CD300LG: variants seen among roughly 807,000 people sequenced by gnomAD.
CD300LG encodes CD300 molecule like family member g.
Under a neutral mutation model 31.5 loss-of-function variants are expected in CD300LG, and 29 were observed. That is an observed-to-expected ratio of 0.92 (90% confidence interval 0.68 to 1.25). The LOEUF is 1.25. CD300LG is among the 50% of genes most tolerant of loss of function. The pLI, the probability that CD300LG is intolerant of heterozygous loss-of-function variation, is 0.00. For synonymous variants in CD300LG, 175 were observed against 177.2 expected (o/e 0.99, Z 0.10); for missense variants, 396 against 417.6 (o/e 0.95, Z 0.45).
chr17:43,852,350 G>A (rs2143330479), intron 2 of CD300LG, among the ~76,000 whole-genome samples: 1 of 152,212 alleles, frequency 6.6e-6, no homozygotes, highest in East Asian at 1.9e-4. Flanking sequence ...AAGTAGCTGG[G>A]ATTACAGGCA....
chr17:43,848,540 C>G lies in CD300LG; in HGVS notation c.44-18C>G. ...TGGAGCCTGGTTTTTCCAACCTCCA[C>G]TCCTGCTCTGATTTTAGGTTATGAA... On this transcript the variant is annotated intron_variant, in intron 1 of 6. Coordinates refer to ENST00000317310, the MANE Select transcript of CD300LG (RefSeq NM_145273.4). 1 of 1,603,802 alleles carries G rather than the reference C, an allele frequency of 6.2e-7. No individual in the cohort carries two copies. The highest frequency in any genetic ancestry group is 8.5e-7 in the Non-Finnish European group (1 of 1,172,780).
At chr17:43,850,922 G>A (rs2046330311) in intron 2 of CD300LG, among the ~76,000 whole-genome samples, 1 of 152,044 alleles carries the variant, frequency 6.6e-6, no homozygotes, top group South Asian at 2.1e-4. Context: ...GGATCACGAG[G>A]TCAGGAGTTC....
intron 5 of CD300LG, among the ~76,000 whole-genome samples, chr17:43,856,336 C>A (rs199832817): frequency 1.3e-5 from 2 of 152,162 alleles, no homozygotes; most frequent in East Asian, 3.8e-4. Flanking sequence ...AAGGATTAAC[C>A]AAAATCTCAG....
intron 2 of CD300LG, 93 bp from the exon 3 acceptor site, chr17:43,852,819 G>A (rs1219502650): frequency 2.0e-6 from 2 of 1,001,278 alleles, no homozygotes; most frequent in Non-Finnish European, 3.0e-6. Flanking sequence ...CTGTGCTGAG[G>A]TGGGGGGTAG....
At chr17:43,861,238 C>G (rs915722469) in intron 6 of CD300LG, 18 of 985,300 alleles carry the variant, frequency 1.8e-5, no homozygotes, top group Middle Eastern at 5.2e-4. Flanking sequence ...ACACAGAGAT[C>G]CAGTATCTAA....
chr17:43,850,676 C>T (rs2046322776), intron 2 of CD300LG, among the ~76,000 whole-genome samples: 2 of 152,062 alleles, frequency 1.3e-5, no homozygotes, highest in East Asian at 3.9e-4. Context: ...TGTGGTTTCG[C>T]CATATTGGCC....
chr17:43,848,520 C>A (rs780511203), intron 1 of CD300LG, 38 bp from the exon 2 acceptor site: 1 of 1,535,878 alleles, frequency 6.5e-7, no homozygotes, highest in South Asian at 1.2e-5. Flanking sequence ...GTACATGGAG[C>A]CTGGTTTTTC....
chr17:43,851,773 TC>T (rs2046366019), intron 2 of CD300LG, among the ~76,000 whole-genome samples: 1 of 151,534 alleles, frequency 6.6e-6, no homozygotes, highest in East Asian at 1.9e-4. Flanking sequence ...GCCAGGATGG[TC>T]TCGATCTCCT....
intron 2 of CD300LG, among the ~76,000 whole-genome samples, chr17:43,852,265 G>A (rs1294885734): frequency 1.3e-5 from 2 of 151,844 alleles, no homozygotes; most frequent in Middle Eastern, 3.2e-3. Context: ...GAGTGCAGTG[G>A]CGCAATCTTG....
intron 2 of CD300LG, among the ~76,000 whole-genome samples, chr17:43,850,865 G>A (rs1039996746): frequency 6.6e-6 from 1 of 152,112 alleles, no homozygotes; most frequent in Non-Finnish European, 1.5e-5. Flanking sequence ...GTCCCGGCAT[G>A]GTGGCTCACG....
rs778447487 is a variant in CD300LG, at chr17:43,848,757, C to T, written c.243C>T (p.Ile81=). The change falls in exon 2 of 7, where the codon ATC becomes ATT. Residue 81 remains isoleucine (I), a synonymous_variant. Coordinates refer to ENST00000317310, the MANE Select transcript of CD300LG (RefSeq NM_145273.4). ...AGACAATGAAGGGCAGGGTGTCCAT[C>T]CGTGACAGCCGCCAGGAGCTCTCGC... The part of the protein sequence containing the change: ...GQETMKGRVS[I]RDSRQELSLI... 5.0e-6 allele frequency: 8 copies of T among 1,614,150 alleles called. No homozygotes were observed. The highest frequency in any genetic ancestry group is 5.9e-6 in the Non-Finnish European group (7 of 1,180,036).
chr17:43,851,688 G>A (rs537879869), intron 2 of CD300LG, among the ~76,000 whole-genome samples: 55 of 134,188 alleles, frequency 4.1e-4, no homozygotes, highest in Admixed American at 8.6e-4. Flanking sequence ...TCGCTCTGTC[G>A]CCCAGGCTGG....
chr17:43,860,490 TC>T (rs2046629465), intron 6 of CD300LG, among the ~76,000 whole-genome samples: 1 of 152,222 alleles, frequency 6.6e-6, no homozygotes, highest in African/African-American at 2.4e-5. Flanking sequence ...GGCTCCAGCC[TC>T]TGCTCCGCCC....
intron 6 of CD300LG, chr17:43,858,239 G>GCT (rs2046580972): frequency 1.9e-6 from 2 of 1,077,000 alleles, no homozygotes; most frequent in South Asian, 6.3e-5. Flanking sequence ...GTCTCAGGAA[G>GCT]CTCAACAGGG....
intron 3 of CD300LG, among the ~76,000 whole-genome samples, chr17:43,853,528 G>A (rs896230584): frequency 2.0e-5 from 3 of 152,130 alleles, no homozygotes; most frequent in Non-Finnish European, 4.4e-5. Flanking sequence ...ATGGAAGCGG[G>A]GAAGGGGAGT....
intron 5 of CD300LG, chr17:43,855,621 G>C (rs1456217405): frequency 8.6e-6 from 2 of 231,654 alleles, no homozygotes; most frequent in Non-Finnish European, 1.7e-5. Flanking sequence ...CTCCTTGTGT[G>C]GGAACCAACT....
At position 43,848,818 on chromosome 17, in the gene CD300LG, G is replaced by A. The variant is rs765674061; in HGVS notation, c.304G>A (p.Ala102Thr). 10 of 1,614,036 alleles carry A rather than the reference G, an allele frequency of 6.2e-6. No homozygotes were observed. In the East Asian group the frequency reaches 8.9e-5, roughly 14 times the overall value. The change falls in exon 2 of 7, where the codon GCT becomes ACT. Residue 102 changes from alanine to threonine, a missense_variant. Physicochemically the swap from Ala to Thr is moderately conservative, Grantham distance 58 (BLOSUM62 0). Coordinates refer to ENST00000317310, the MANE Select transcript of CD300LG (RefSeq NM_145273.4). The part of the protein sequence containing the change: ...VTLWNLTLQD[A>T]GEYWCGVEKR... ...CCTGTGGAACCTCACCCTGCAAGAC[G>A]CTGGGGAGTACTGGTGTGGGGTCGA...
chr17:43,861,908 G>C lies in CD300LG; in HGVS notation c.996G>C (p.Ala332=), dbSNP rs373493820. ...EELGFSKFVS[A] Reference sequence around the variant, plus strand: ...TGGGCTTCTCGAAGTTTGTCTCAGCGTAGGGCAGGAGGCCCTCCTGGCCAG... The same window carrying C: ...TGGGCTTCTCGAAGTTTGTCTCAGCCTAGGGCAGGAGGCCCTCCTGGCCAG... Residue 332 remains alanine (A), a synonymous_variant, in exon 7 of 7, where the codon GCG becomes GCC. Transcript: ENST00000317310. 10 of 1,606,324 alleles carry C rather than the reference G, an allele frequency of 6.2e-6. No homozygotes were observed. The highest frequency in any genetic ancestry group is 7.6e-6 in the Non-Finnish European group (9 of 1,176,906).
At chr17:43,857,194 C>T in intron 6 of CD300LG, 38 bp downstream of exon 6, 1 of 1,608,372 alleles carries the variant, frequency 6.2e-7, no homozygotes, top group Non-Finnish European at 8.5e-7. Flanking sequence ...AGCTCAGATC[C>T]CCTTGGGGCT....
Sources: allele counts gnomAD v4.1 joint callset (sites outside exome capture counted in the v4.1 genomes callset), GRCh38; gene constraint gnomAD v4.1.1; transcripts MANE v1.5; gene names NCBI Gene and HGNC (gene_info 2026-07-23, HGNC 2026-07-21).